Variants in CEP164 observed in about 807,000 individuals in gnomAD.
CEP164 encodes centrosomal protein of 164 kDa.
In CEP164, 162 loss-of-function variants were observed where a neutral mutation model predicts 182.7. That is an observed-to-expected ratio of 0.89 (90% CI 0.78 to 1.01). CEP164 has a LOEUF of 1.01. Among genes scored for constraint, CEP164 ranks in the 50% least tolerant of loss-of-function variants. The probability of loss-of-function intolerance (pLI) is 0.00; values close to 1 mark genes in which losing one functional copy is unlikely to be tolerated. For synonymous variants in CEP164, 661 were observed against 690.0 expected, an observed-to-expected ratio of 0.96 and a Z score of 0.66; for missense variants, 1,735 against 1,790.4, an observed-to-expected ratio of 0.97 and a Z score of 0.56.
intron 14 of CEP164, 65 bp from the exon 15 acceptor site, chr11:117,387,137 TA>T: frequency 7.1e-7 from 1 of 1,411,526 alleles, no homozygotes. Flanking sequence ...GTATCCATTC[TA>T]ACCTGGATGC....
At chr11:117,367,417 T>A (rs1386861231) in intron 8 of CEP164, among the ~76,000 whole-genome samples, 1 of 152,250 alleles carries the variant, frequency 6.6e-6, no homozygotes, top group Non-Finnish European at 1.5e-5. Context: ...GAGCCCATCA[T>A]GTGAAAATTT....
Position 117,397,166 on chromosome 11 carries a change from G to A in CEP164, c.3354G>A (p.Val1118=), listed in dbSNP as rs746730622. The A allele has an allele frequency of 6.2e-7, 1 of 1,614,178 alleles. No homozygotes were observed. The highest frequency in any genetic ancestry group is 8.5e-7 in the Non-Finnish European group (1 of 1,179,970). ...TCCGTAGTGCCAAGGAGTTCCTTGT[G>A]CAGCAGACACGCTCCATGCGGAGGC... ...VALRSAKEFL[V]QQTRSMRRRQ... is the part of the protein sequence containing the mutation. Residue 1118 remains valine, a synonymous_variant, in exon 27 of 33, where the codon GTG becomes GTA. Coordinates refer to ENST00000278935, the MANE Select transcript of CEP164 (RefSeq NM_014956.5).
chr11:117,408,815 C>T, intron 28 of CEP164, 75 bp from the exon 29 acceptor site: 1 of 1,586,718 alleles, frequency 6.3e-7, no homozygotes, highest in Non-Finnish European at 8.6e-7. Context: ...GTCCCAGCCA[C>T]TTCCTAGGAA....
chr11:117,331,981 A>AATATATATAT lies in CEP164; in HGVS notation c.-97-3611_-97-3602dup, dbSNP rs56696952. On this transcript the variant is annotated intron_variant, in intron 1 of 32. Transcript: ENST00000278935. Reference sequence around the variant, plus strand: ...CAGGTGCACGCCACCATGCCTGGCTAATATATATATATATATATATATTTG... The same window carrying AATATATATAT: ...CAGGTGCACGCCACCATGCCTGGCTAATATATATATATATATATATATATATATATATTTG... Among the ~76,000 whole-genome samples the AATATATATAT allele has an allele frequency of 5.8e-3, 829 of 142,286 alleles. 10 individuals are homozygous for AATATATATAT. Among genetic ancestry groups the AATATATATAT allele is most frequent in the African/African-American group, 0.019 (741 of 38,108 alleles). The allele number at this position is 142,286 out of a possible 152,430, so 93.3% of individuals were successfully genotyped here. A position where few individuals can be genotyped will look rare whatever the true frequency, so the allele number is the denominator to read the frequency against.
chr11:117,363,759 CTTTTTTTT>C lies in CEP164; in HGVS notation c.765+274_765+281del, dbSNP rs72255760. 2.4e-4 allele frequency among the ~76,000 whole-genome samples: 14 copies of C among 58,444 alleles called. No homozygotes were observed. In the South Asian group the frequency reaches 8.9e-3, roughly 37 times the overall value. 38.3% of individuals were successfully genotyped at this position (58,444 alleles called of 152,430 possible). A position where few individuals can be genotyped will look rare whatever the true frequency, so the allele number is the denominator to read the frequency against. The stretch of plus-strand genomic sequence containing the variant: ...ATTGTAATACCTAAAACCTCCAATG[CTTTTTTTT>C]TTTTTTTTTTTTTTTTTTTTAAGAG... On this transcript the variant is annotated intron_variant, in intron 8 of 32. Transcript: ENST00000278935.
intron 8 of CEP164, among the ~76,000 whole-genome samples, chr11:117,364,951 A>T (rs2041451871): frequency 6.6e-6 from 1 of 152,142 alleles, no homozygotes; most frequent in African/African-American, 2.4e-5. Context: ...TATCAAGCTG[A>T]TATAGGTCTG....
chr11:117,375,786 C>T lies in CEP164; in HGVS notation c.1312C>T (p.Arg438Trp), dbSNP rs200358522. Reference protein sequence around the residue: ...VLSPVLGGACRQAQQPLGIED... With the variant: ...VLSPVLGGACWQAQQPLGIED... ...TTCCCCAGTCCTGGGTGGAGCTTGT[C>T]GGCAGGTGAGTTTCTGTGGGTGGTG... The change falls in exon 11 of 33, where the codon CGG becomes TGG. Residue 438 changes from arginine to tryptophan, a missense_variant. Transcript: ENST00000278935. 17 of 1,613,928 alleles carry T rather than the reference C, an allele frequency of 1.1e-5. No individual in the cohort carries two copies. Among genetic ancestry groups the T allele is most frequent in the Middle Eastern group, 1.7e-4 (1 of 6,048 alleles).
At chr11:117,350,997 A>G (rs1156350575) in intron 4 of CEP164, among the ~76,000 whole-genome samples, 2 of 152,146 alleles carry the variant, frequency 1.3e-5, no homozygotes, top group Non-Finnish European at 2.9e-5. Context: ...ATTTTCTTCT[A>G]CCATCATCCA....
Position 117,351,968 on chromosome 11 carries a change from G to C in CEP164, c.373G>C (p.Asp125His). 2 of 1,591,486 alleles carry C rather than the reference G, an allele frequency of 1.3e-6. No homozygotes were observed. The highest frequency in any genetic ancestry group is 8.6e-7 in the Non-Finnish European group (1 of 1,168,404). The change falls in exon 5 of 33, where the codon GAC becomes CAC. Residue 125 changes from aspartate to histidine, a missense_variant. Physicochemically the swap from Asp to His is moderately conservative, Grantham distance 81. Transcript: ENST00000278935. ...KKEKKDKKDR[D>H]PPKSSLALGS... ...GGAAAAGAAAGACAAGAAGGACAGA[G>C]ACCCCCCCAAAAGTTCGCTGGTGAG...
intron 14 of CEP164, chr11:117,386,420 C>T (rs182030669): frequency 6.6e-6 from 1 of 152,340 alleles, no homozygotes. Context: ...TTATACACAT[C>T]TTTTTAATGG....
intron 8 of CEP164, among the ~76,000 whole-genome samples, chr11:117,365,880 T>C (rs2041584303): frequency 6.6e-6 from 1 of 152,152 alleles, no homozygotes; most frequent in Non-Finnish European, 1.5e-5. Flanking sequence ...GTGCCCAGCC[T>C]GAAGGGTGGA....
At position 117,411,748 on chromosome 11, in the gene CEP164, T is replaced by TC; in HGVS notation, c.4164-45dup. On this transcript the variant is annotated intron_variant, in intron 31 of 32. Transcript: ENST00000278935. This position sits in a 1 kb window ranked among gnomAD's most constrained non-coding sequence, Gnocchi z 4.4. Reference sequence around the variant, plus strand: ...TGGCCTCTGTGCATCCTCTGTCACTTCCGCGCCTCCTCTCTCCCCTCGCCA... The same window carrying TC: ...TGGCCTCTGTGCATCCTCTGTCACTTCCCGCGCCTCCTCTCTCCCCTCGCCA... 6.2e-7 allele frequency: 1 copy of TC among 1,610,710 alleles called. No individual in the cohort carries two copies. The highest frequency in any genetic ancestry group is 8.5e-7 in the Non-Finnish European group (1 of 1,178,338).
chr11:117,370,938 T>C, intron 8 of CEP164, 142 bp from the exon 9 acceptor site: 1 of 817,130 alleles, frequency 1.2e-6, no homozygotes, highest in Non-Finnish European at 1.9e-6. Context: ...AATTAACAAC[T>C]GGGTGATTGA....
intron 27 of CEP164, among the ~76,000 whole-genome samples, chr11:117,401,485 TG>T (rs1418582701): frequency 2.6e-5 from 4 of 152,232 alleles, no homozygotes; most frequent in Admixed American, 2.0e-4. Context: ...AGGATGATGC[TG>T]GCTTCATAAA....
Position 117,397,239 on chromosome 11 carries a change from G to C in CEP164, c.3427G>C (p.Ala1143Pro), listed in dbSNP as rs1238809140. 3 of 1,614,224 alleles carry C rather than the reference G, an allele frequency of 1.9e-6. No homozygotes were observed. The highest frequency in any genetic ancestry group is 1.7e-5 in the Admixed American group (1 of 60,024). The change falls in exon 27 of 33, where the codon GCC (alanine) becomes CCC (proline). Residue 1143 changes from alanine (A) to proline (P), a missense_variant. Transcript: ENST00000278935. ...AAQQHWRHEL[A>P]SAQEVAKDPP... Reference sequence around the variant, plus strand: ...CCAGCAGCATTGGCGCCATGAGCTGGCCAGTGCGCAGGAGGTGGCCAAAGA... The same window carrying C: ...CCAGCAGCATTGGCGCCATGAGCTGCCCAGTGCGCAGGAGGTGGCCAAAGA...
chr11:117,330,174 A>T (rs2035970586), intron 1 of CEP164, among the ~76,000 whole-genome samples: 1 of 152,032 alleles, frequency 6.6e-6, no homozygotes, highest in African/African-American at 2.4e-5. Flanking sequence ...TCTTCCTAAG[A>T]TTATTTGCCC....
intron 24 of CEP164, 24 bp downstream of exon 24, chr11:117,395,746 G>A (rs775002812): frequency 6.3e-7 from 1 of 1,588,564 alleles, no homozygotes; most frequent in Non-Finnish European, 8.6e-7. Context: ...CCTGCACTTA[G>A]CCCTGCTGGC....
chr11:117,396,172 C>A lies in CEP164; in HGVS notation c.3208C>A (p.Leu1070Ile). 2.3e-6 allele frequency: 3 copies of A among 1,323,038 alleles called. No homozygotes were observed. The highest frequency in any genetic ancestry group is 3.1e-6 in the Non-Finnish European group (3 of 964,968). 82.0% of individuals were successfully genotyped at this position (1,323,038 alleles called of 1,614,324 possible). Reference sequence around the variant, plus strand: ...CCATATTGAGGACCTGAGGAAATCCCTTGGAACAGTGAGCTGGGGGCTGGG... The same window carrying A: ...CCATATTGAGGACCTGAGGAAATCCATTGGAACAGTGAGCTGGGGGCTGGG... ...DLHIEDLRKS[L>I]GTNQTKEVSS... The change falls in exon 25 of 33, where the codon CTT (leucine) becomes ATT (isoleucine). Residue 1070 changes from leucine (L) to isoleucine (I), a missense_variant. By Grantham distance (5) the Leu-to-Ile change is conservative. Coordinates refer to ENST00000278935, the MANE Select transcript of CEP164 (RefSeq NM_014956.5).
Position 117,411,194 on chromosome 11 carries a change from AC to A in CEP164, c.4163+303del. On this transcript the variant is annotated intron_variant, in intron 31 of 32. Coordinates refer to ENST00000278935, the MANE Select transcript of CEP164 (RefSeq NM_014956.5). The surrounding 1 kb of genome is among the most constrained non-coding windows in gnomAD (Gnocchi z 4.4). ...TGGGGAGGAGTCAGCCCCTGGTGGG[AC>A]CCTGCCCCCGCCCCTCCCTCTAGCC... 1 of 369,374 alleles carries A rather than the reference AC, an allele frequency of 2.7e-6. No homozygotes were observed. The highest frequency in any genetic ancestry group is 3.9e-5 in the South Asian group (1 of 25,558). The allele number at this position is 369,374 out of a possible 1,614,324, so 22.9% of individuals were successfully genotyped here.
Sources: gnomAD v4.1 joint callset for allele counts (sites outside exome capture counted in the v4.1 genomes callset) on GRCh38, gnomAD v4.1.1 for gene constraint, Gnocchi (gnomAD v3.1) non-coding constraint, MANE v1.5 for transcripts, NCBI Gene and HGNC (gene_info 2026-07-23, HGNC 2026-07-21) for gene names.